Variants in ALS2CL observed in about 807,000 individuals in gnomAD.
ALS2CL encodes ALS2 C-terminal-like protein.
Under a neutral mutation model 127.9 loss-of-function variants are expected in ALS2CL, and 112 were observed. The observed-to-expected ratio is 0.88, with a 90% CI of 0.75 to 1.02. The LOEUF is 1.02. Among genes scored for constraint, ALS2CL ranks in the 50% least tolerant of loss-of-function variants. The probability of loss-of-function intolerance (pLI) is 0.00; values close to 1 mark genes in which losing one functional copy is unlikely to be tolerated. For synonymous variants in ALS2CL, 519 were observed against 527.6 expected, an observed-to-expected ratio of 0.98 and a Z score of 0.22; for missense variants, 1,174 against 1,236.7, an observed-to-expected ratio of 0.95 and a Z score of 0.76.
chr3:46,692,363 C>T (rs1700211627), intron 1 of ALS2CL, among the ~76,000 whole-genome samples: 1 of 152,128 alleles, frequency 6.6e-6, no homozygotes, highest in Non-Finnish European at 1.5e-5. Context: ...TCCCCAACCC[C>T]TGTCCCATCC....
chr3:46,680,404 G>A (rs1414431162), intron 14 of ALS2CL, 26 bp downstream of exon 14: 1 of 1,602,144 alleles, frequency 6.2e-7, no homozygotes, highest in Non-Finnish European at 8.5e-7. Context: ...CAAAGAGAGG[G>A]ATAGCCCAGG....
rs1049006645 is a variant in ALS2CL, at chr3:46,688,283, C to T, written c.117G>A (p.Ser39=). ...GCAGGCACTCTCTGCCCCAGGGATC[C>T]GAGGGATCTGGGGCTGGGGAAGGAG... ...QPLLPAAPDP[S]DPWGRECLRL... The change falls in exon 3 of 26, where the codon TCG becomes TCA. Residue 39 remains serine, a synonymous_variant. Coordinates refer to ENST00000318962, the MANE Select transcript of ALS2CL (RefSeq NM_147129.5). 7 of 1,612,612 alleles carry T rather than the reference C, an allele frequency of 4.3e-6. No individual in the cohort carries two copies. The highest frequency in any genetic ancestry group is 2.7e-5 in the African/African-American group (2 of 75,010).
At chr3:46,675,457 G>T in intron 20 of ALS2CL, 161 bp downstream of exon 20, 1 of 678,212 alleles carries the variant, frequency 1.5e-6, no homozygotes, top group Non-Finnish European at 2.5e-6. Flanking sequence ...AGAGGTCATG[G>T]GTCATTCTAA....
chr3:46,676,334 G>C lies in ALS2CL; in HGVS notation c.2097C>G (p.Thr699=). Residue 699 remains threonine (T), a synonymous_variant, in exon 19 of 26, where the codon ACC becomes ACG. Coordinates refer to ENST00000318962, the MANE Select transcript of ALS2CL (RefSeq NM_147129.5). ...LRTLMLTFQA[T]YAGVGANKHL... ...GCTTGTTGGCCCCGACACCTGCGTAGGTAGCCTGGAAGGTCAGCATCAGTG... is the reference window on the plus strand; with the variant it reads ...GCTTGTTGGCCCCGACACCTGCGTACGTAGCCTGGAAGGTCAGCATCAGTG... The C allele has an allele frequency of 6.2e-7, 1 of 1,613,906 alleles. No homozygotes were observed.
chr3:46,676,305 A>G lies in ALS2CL; in HGVS notation c.2126T>C (p.Leu709Pro). 1 of 1,613,728 alleles carries G rather than the reference A, an allele frequency of 6.2e-7. No homozygotes were observed. The highest frequency in any genetic ancestry group is 1.1e-5 in the South Asian group (1 of 91,070). ...TYAGVGANKHLQELAQEEVKQ... is the reference protein window; with the variant it reads ...TYAGVGANKHPQELAQEEVKQ... ...CACCTCCTCCTGGGCCAGCTCCTGC[A>G]GGTGCTTGTTGGCCCCGACACCTGC... The change falls in exon 19 of 26, where the codon CTG (leucine) becomes CCG (proline). Residue 709 changes from leucine to proline, a missense_variant. Leu to Pro is a moderately conservative substitution (Grantham distance 98). Transcript: ENST00000318962.
At position 46,681,051 on chromosome 3, in the gene ALS2CL, G is replaced by A. The variant is rs1420841754; in HGVS notation, c.1436+195C>T. On this transcript the variant is annotated intron_variant, in intron 13 of 25. Transcript: ENST00000318962. This position sits in a 1 kb window ranked among gnomAD's most constrained non-coding sequence, Gnocchi z 4.9. ...CACCATGAGGAGGGGTGAGGGGCGG[G>A]GGCGACCCTGCAGTCAGCGTGACCA... 8 of 857,732 alleles carry A rather than the reference G, an allele frequency of 9.3e-6. No individual in the cohort carries two copies. The highest frequency in any genetic ancestry group is 5.0e-5 in the East Asian group (2 of 39,924). The allele number at this position is 857,732 out of a possible 1,614,324, so 53.1% of individuals were successfully genotyped here. A position where few individuals can be genotyped will look rare whatever the true frequency, so the allele number is the denominator to read the frequency against.
intron 1 of ALS2CL, among the ~76,000 whole-genome samples, chr3:46,690,730 G>A (rs1047031763): frequency 6.6e-6 from 1 of 152,230 alleles, no homozygotes; most frequent in African/African-American, 2.4e-5. Context: ...GCCAACCTGT[G>A]TGGGGCAGGG....
In ALS2CL at chr3:46,682,661, C is replaced by T. The variant is rs368115701; in HGVS notation, c.1109+469G>A. ...GGTCACACAGACCTGTGATTGAGGCCGGCTCACCCTATCACTTGCCCTGAG... is the reference window on the plus strand; with the variant it reads ...GGTCACACAGACCTGTGATTGAGGCTGGCTCACCCTATCACTTGCCCTGAG... On this transcript the variant is annotated intron_variant, in intron 10 of 25. Coordinates refer to ENST00000318962, the MANE Select transcript of ALS2CL (RefSeq NM_147129.5). Among the ~76,000 whole-genome samples the T allele has an allele frequency of 1.4e-4, 22 of 152,272 alleles. No individual in the cohort carries two copies. In the East Asian group the frequency reaches 3.3e-3, roughly 23 times the overall value.
At chr3:46,687,246 G>C in intron 4 of ALS2CL, 98 bp from the exon 5 acceptor site, 1 of 1,362,206 alleles carries the variant, frequency 7.3e-7, no homozygotes, top group Non-Finnish European at 9.7e-7. Flanking sequence ...TCAGATCCCA[G>C]GGCCAGCCCC....
chr3:46,676,500 C>T (rs1026858786), intron 18 of ALS2CL, 98 bp from the exon 19 acceptor site: 43 of 1,566,994 alleles, frequency 2.7e-5, no homozygotes, highest in Non-Finnish European at 3.5e-5. Context: ...ATCTCATACA[C>T]GAGAACACTG....
At chr3:46,688,594 T>C (rs1182367160) in intron 2 of ALS2CL, among the ~76,000 whole-genome samples, 2 of 151,860 alleles carry the variant, frequency 1.3e-5, no homozygotes, top group South Asian at 2.1e-4. Context: ...ATACACGAAT[T>C]CCCCCCTGGC....
rs756949254 is a variant in ALS2CL, at chr3:46,681,401, G to T, written c.1281C>A (p.Ser427Arg). The T allele has an allele frequency of 2.5e-6, 4 of 1,605,998 alleles. No homozygotes were observed. The highest frequency in any genetic ancestry group is 3.4e-6 in the Non-Finnish European group (4 of 1,173,800). ...AGTAGCCCTTGTACACCTCGTCGGT[G>T]CTGTACCTGGGGAGGGCCATCAACA... ...SMCGYGICEY[S>R]TDEVYKGYFQ... The change falls in exon 13 of 26, where the codon AGC becomes AGA. Residue 427 changes from serine (S) to arginine (R), a missense_variant. Physicochemically the swap from Ser to Arg is moderately radical, Grantham distance 110. Coordinates refer to ENST00000318962, the MANE Select transcript of ALS2CL (RefSeq NM_147129.5). The surrounding 1 kb of genome is among the most constrained non-coding windows in gnomAD (Gnocchi z 4.9).
chr3:46,688,967 T>C (rs1699984365), intron 2 of ALS2CL, among the ~76,000 whole-genome samples: 2 of 152,228 alleles, frequency 1.3e-5, no homozygotes, highest in Admixed American at 1.3e-4. Context: ...CAGTGGCTCA[T>C]GCCTATAATC....
chr3:46,678,533 A>G (rs1453801137), intron 15 of ALS2CL, 144 bp from the exon 16 acceptor site: 2 of 1,150,822 alleles, frequency 1.7e-6, no homozygotes, highest in South Asian at 1.8e-5. Context: ...AAGCTGCTCC[A>G]TGCTGAGGGG....
intron 2 of ALS2CL, among the ~76,000 whole-genome samples, chr3:46,689,023 A>G (rs1322022550): frequency 6.6e-6 from 1 of 150,664 alleles, no homozygotes; most frequent in East Asian, 2.0e-4. Context: ...TGAGGTCAAG[A>G]CTTTGAGACC....
chr3:46,688,131 C>CGCA lies in ALS2CL; in HGVS notation c.266_268dup (p.Leu89dup), dbSNP rs779096038. ...GGCCTGCAGTACACGGTCAGCACCT[C>CGCA]GCAGCAGCAGCAGGGACTCCAGACC... On this transcript the variant is annotated inframe_insertion, in exon 3 of 26. Coordinates refer to ENST00000318962, the MANE Select transcript of ALS2CL (RefSeq NM_147129.5). The CGCA allele has an allele frequency of 9.3e-6, 15 of 1,613,194 alleles. No individual in the cohort carries two copies. The highest frequency in any genetic ancestry group is 1.2e-5 in the Non-Finnish European group (14 of 1,179,980).
At chr3:46,691,371 C>T (rs544966026) in intron 1 of ALS2CL, among the ~76,000 whole-genome samples, 22 of 152,212 alleles carry the variant, frequency 1.4e-4, no homozygotes, top group African/African-American at 4.3e-4. Flanking sequence ...GATCAGTGCA[C>T]GTTGAAAAGA....
In ALS2CL at chr3:46,676,690, C is replaced by T. The variant is rs1392848950; in HGVS notation, c.1980G>A (p.Glu660=). 6.2e-7 allele frequency: 1 copy of T among 1,613,536 alleles called. No homozygotes were observed. The highest frequency in any genetic ancestry group is 8.5e-7 in the Non-Finnish European group (1 of 1,179,964). Residue 660 remains glutamate, a synonymous_variant, in exon 18 of 26, where the codon GAG becomes GAA. Coordinates refer to ENST00000318962, the MANE Select transcript of ALS2CL (RefSeq NM_147129.5). ...CCTTGGGCTCCCGGTGCTGCAGCAG[C>T]TCCTCCAGGATGTCTTCCATACTGC... The part of the protein sequence containing the change: ...SVGSMEDILE[E]LLQHREPKAL...
In ALS2CL at chr3:46,675,706, A is replaced by G; in HGVS notation, c.2187-20T>C. 6.2e-7 allele frequency: 1 copy of G among 1,612,990 alleles called. No individual in the cohort carries two copies. The highest frequency in any genetic ancestry group is 8.5e-7 in the Non-Finnish European group (1 of 1,179,964). ...AGACCCCTGTGAGTCAATGAGAGAGAAATGGTGTGGCTGCCCCTTGCCACA... is the reference window on the plus strand; with the variant it reads ...AGACCCCTGTGAGTCAATGAGAGAGGAATGGTGTGGCTGCCCCTTGCCACA... On this transcript the variant is annotated intron_variant, in intron 19 of 25. Transcript: ENST00000318962.
Sources: allele counts gnomAD v4.1 joint callset (sites outside exome capture counted in the v4.1 genomes callset), GRCh38; gene constraint gnomAD v4.1.1; non-coding constraint Gnocchi (gnomAD v3.1); transcripts MANE v1.5; gene names NCBI Gene and HGNC (gene_info 2026-07-23, HGNC 2026-07-21).